LRRC7: variants seen among roughly 807,000 people sequenced by gnomAD.
The protein encoded by LRRC7 is leucine rich repeat containing 7.
LRRC7 carries 23 observed loss-of-function variants against 175.7 expected under a neutral mutation model. The ratio of observed to expected loss-of-function variants is 0.13; its 90% CI spans 0.09 to 0.19. LRRC7 has a LOEUF of 0.19. Among genes scored for constraint, LRRC7 ranks in the 10% least tolerant of loss-of-function variants. The pLI is 1.00. For synonymous variants in LRRC7, 685 were observed against 680.9 expected (o/e 1.01, Z -0.09); for missense variants, 1,354 against 1,904.7 (o/e 0.71, Z 5.38).
chr1:69,840,815 T>A (rs1681636889), intron 7 of LRRC7, among the ~76,000 whole-genome samples: 2 of 152,074 alleles, frequency 1.3e-5, no homozygotes, highest in African/African-American at 4.8e-5. Context: ...ACAGTGAACT[T>A]CTGTAAATAA....
chr1:70,133,932 T>C lies in LRRC7; in HGVS notation c.*12045T>C, dbSNP rs1426590559. Among the ~76,000 whole-genome samples, 5 of 152,170 alleles carry C rather than the reference T, an allele frequency of 3.3e-5. No individual in the cohort carries two copies. On this transcript the variant is annotated 3_prime_UTR_variant, in exon 27 of 27. Transcript: ENST00000651989. The stretch of plus-strand genomic sequence containing the variant: ...TCAAAATTTATTTTTAAAGTTAACT[T>C]TCCAAAACTTAAACATCAGGAACTG...
chr1:70,047,278 G>A (rs761924592), intron 22 of LRRC7, among the ~76,000 whole-genome samples: 1 of 152,092 alleles, frequency 6.6e-6, no homozygotes, highest in Non-Finnish European at 1.5e-5. Flanking sequence ...TGTGGCAAGT[G>A]ACTCTGGGGT....
intron 7 of LRRC7, among the ~76,000 whole-genome samples, chr1:69,922,009 T>C (rs1646903847): frequency 6.6e-6 from 1 of 152,198 alleles, no homozygotes; most frequent in South Asian, 2.1e-4. Context: ...CACTGCAACC[T>C]CTGCCTCCCA....
intron 2 of LRRC7, among the ~76,000 whole-genome samples, chr1:69,681,136 G>A (rs982169612): frequency 3.3e-5 from 5 of 152,066 alleles, no homozygotes; most frequent in African/African-American, 1.2e-4. Flanking sequence ...TGAAATTCTT[G>A]CAGCAATGTT....
intron 2 of LRRC7, among the ~76,000 whole-genome samples, chr1:69,754,193 G>A (rs2100909887): frequency 6.6e-6 from 1 of 152,152 alleles, no homozygotes; most frequent in East Asian, 1.9e-4. Flanking sequence ...AGTCATTGAA[G>A]TATTTGCAGC....
chr1:69,637,109 G>A lies in LRRC7; in HGVS notation c.3-41272G>A, dbSNP rs540189888. On this transcript the variant is annotated intron_variant, in intron 1 of 26. Transcript: ENST00000651989. ...CTCTCTCTCTCTCTTCCCCTCCCCC[G>A]CTCCCCCGCACACAGAGTTTATATA... is the stretch of plus-strand genomic sequence containing the variant. 6.7e-5 allele frequency among the ~76,000 whole-genome samples: 8 copies of A among 120,056 alleles called. No homozygotes were observed. The East Asian group carries it at 8.0e-4, about 12-fold the overall frequency. 78.8% of individuals were successfully genotyped at this position (120,056 alleles called of 152,430 possible). A position where few individuals can be genotyped will look rare whatever the true frequency, so the allele number is the denominator to read the frequency against.
At chr1:69,729,294 C>A (rs1320058268) in intron 2 of LRRC7, among the ~76,000 whole-genome samples, 1 of 152,178 alleles carries the variant, frequency 6.6e-6, no homozygotes, top group Non-Finnish European at 1.5e-5. Flanking sequence ...AGCAGTCCCC[C>A]AAGGTCTTCA....
chr1:69,831,934 A>G lies in LRRC7; in HGVS notation c.501-2846A>G, dbSNP rs558541044. ...AGAGAAGATAAAAAATTGTTCTGTTATACATAGTTTCACTTAAATTTGCAG... is the reference window on the plus strand; with the variant it reads ...AGAGAAGATAAAAAATTGTTCTGTTGTACATAGTTTCACTTAAATTTGCAG... On this transcript the variant is annotated intron_variant, in intron 5 of 26. Transcript: ENST00000651989. Among the ~76,000 whole-genome samples, 4 of 152,288 alleles carry G rather than the reference A, an allele frequency of 2.6e-5. No homozygotes were observed. In the South Asian group the frequency reaches 8.3e-4, roughly 32 times the overall value.
intron 18 of LRRC7, among the ~76,000 whole-genome samples, chr1:70,030,516 T>C (rs777799304): frequency 2.0e-5 from 3 of 152,192 alleles, no homozygotes; most frequent in Non-Finnish European, 4.4e-5. Context: ...TCACACTCTA[T>C]TTTTCAATGT....
intron 2 of LRRC7, among the ~76,000 whole-genome samples, chr1:69,735,512 T>A (rs1245701396): frequency 1.3e-5 from 2 of 152,116 alleles, no homozygotes; most frequent in Non-Finnish European, 2.9e-5. Flanking sequence ...TATTAATTTG[T>A]CCCACAACTG....
intron 8 of LRRC7, among the ~76,000 whole-genome samples, chr1:69,976,238 A>G (rs1652805133): frequency 6.6e-6 from 1 of 152,168 alleles, no homozygotes; most frequent in Non-Finnish European, 1.5e-5. Flanking sequence ...TAGGCCCTCC[A>G]CAAGCTGAGG....
chr1:69,804,305 G>C (rs191130979), intron 4 of LRRC7, among the ~76,000 whole-genome samples: 1 of 151,340 alleles, frequency 6.6e-6, no homozygotes, highest in Admixed American at 6.6e-5. Flanking sequence ...TCTACTAATT[G>C]TACACTTTAT....
Position 69,830,350 on chromosome 1 carries a change from A to G in LRRC7, c.501-4430A>G, listed in dbSNP as rs187706077. 6.2e-4 allele frequency among the ~76,000 whole-genome samples: 94 copies of G among 151,934 alleles called. No homozygotes were observed. The Middle Eastern group carries it at 0.014, about 22-fold the overall frequency. On this transcript the variant is annotated intron_variant, in intron 5 of 26. Transcript: ENST00000651989. ...CTATTCTTGATTTGGCATATTTACTAATAGCTGCCTTTTTAACTCTCACAA... is the reference window on the plus strand; with the variant it reads ...CTATTCTTGATTTGGCATATTTACTGATAGCTGCCTTTTTAACTCTCACAA...
At chr1:69,604,203 A>G (rs1409333181) in intron 1 of LRRC7, among the ~76,000 whole-genome samples, 1 of 152,144 alleles carries the variant, frequency 6.6e-6, no homozygotes, top group Non-Finnish European at 1.5e-5. Flanking sequence ...TTCAAAATCT[A>G]AAACTCCAAA....
chr1:70,054,688 C>T (rs911614772), intron 23 of LRRC7, among the ~76,000 whole-genome samples: 1 of 148,720 alleles, frequency 6.7e-6, no homozygotes, highest in Non-Finnish European at 1.5e-5. Context: ...CAATCTCCAC[C>T]TCCCAGGTTC....
At chr1:69,603,309 T>G (rs1188600566) in intron 1 of LRRC7, among the ~76,000 whole-genome samples, 1 of 152,196 alleles carries the variant, frequency 6.6e-6, no homozygotes, top group African/African-American at 2.4e-5. Context: ...TACAGATATA[T>G]AGCTTAGATA....
chr1:69,588,564 A>G (rs892448209), intron 1 of LRRC7, among the ~76,000 whole-genome samples: 3 of 152,162 alleles, frequency 2.0e-5, no homozygotes, highest in African/African-American at 7.2e-5. Flanking sequence ...TGTAAAACCT[A>G]AATATGGATT....
intron 26 of LRRC7, among the ~76,000 whole-genome samples, chr1:70,109,495 T>C (rs905681090): frequency 1.3e-5 from 2 of 152,200 alleles, no homozygotes; most frequent in Non-Finnish European, 2.9e-5. Flanking sequence ...TAAATAGCAG[T>C]TGGTCTTTTG....
intron 2 of LRRC7, among the ~76,000 whole-genome samples, chr1:69,745,727 G>A (rs551601238): frequency 3.9e-5 from 6 of 151,900 alleles, no homozygotes; most frequent in South Asian, 2.1e-4. Context: ...GTGTGTTGAT[G>A]TGTGTGTGTT....
Sources: allele counts gnomAD v4.1 joint callset (sites outside exome capture counted in the v4.1 genomes callset), GRCh38; gene constraint gnomAD v4.1.1; transcripts MANE v1.5; gene names NCBI Gene and HGNC (gene_info 2026-07-23, HGNC 2026-07-21).